Variants in SNTB2 observed in about 807,000 individuals in gnomAD.
SNTB2 encodes the protein beta-2-syntrophin.
Under a neutral mutation model 46.2 loss-of-function variants are expected in SNTB2, and 34 were observed. The ratio of observed to expected loss-of-function variants is 0.74; its 90% CI spans 0.56 to 0.98. The LOEUF (loss-of-function observed/expected upper bound fraction) is 0.98. SNTB2 is among the 50% of genes least tolerant of loss of function. SNTB2 has a pLI of 0.00. For missense variants in SNTB2, 603 were observed against 731.4 expected (o/e 0.82, Z 2.02); for synonymous variants, 290 against 312.6 (o/e 0.93, Z 0.76).
chr16:69,261,526 TAATA>T (rs1964834733), intron 3 of SNTB2, among the ~76,000 whole-genome samples: 1 of 152,124 alleles, frequency 6.6e-6, no homozygotes, highest in Non-Finnish European at 1.5e-5. Flanking sequence ...AATAAAATTA[TAATA>T]AATGAGAATG....
Position 69,253,830 on chromosome 16 carries a change from T to A in SNTB2, c.795-6220T>A, listed in dbSNP as rs564834116. Among the ~76,000 whole-genome samples the A allele has an allele frequency of 1.4e-4, 22 of 152,268 alleles. No homozygotes were observed. In the South Asian group the frequency reaches 3.3e-3, roughly 23 times the overall value. ...TTATTAATAACTAGGATCTGAGACA[T>A]CAGGATTTTCAGAACTCAGACTGTG... On this transcript the variant is annotated intron_variant, in intron 2 of 6. Coordinates refer to ENST00000336278, the MANE Select transcript of SNTB2 (RefSeq NM_006750.4).
rs71148981 is a variant in SNTB2 at position 69,278,889 on chromosome 16, AGTGTGTGTGTGTGT to A, written c.1149-5128_1149-5115del. Reference sequence around the variant, plus strand: ...TTTATTGATGGACAGAGGTGGGAAGAGTGTGTGTGTGTGTGTGTGTGTGTGTGTGTGTGTGTGTG... The same window carrying A: ...TTTATTGATGGACAGAGGTGGGAAGAGTGTGTGTGTGTGTGTGTGTGTGTG... On this transcript the variant is annotated intron_variant, in intron 4 of 6. Coordinates refer to ENST00000336278, the MANE Select transcript of SNTB2 (RefSeq NM_006750.4). Among the ~76,000 whole-genome samples, 71 of 141,004 alleles carry A rather than the reference AGTGTGTGTGTGTGT, an allele frequency of 5.0e-4. No homozygotes were observed. In the South Asian group the frequency reaches 5.9e-3, roughly 12 times the overall value. 92.5% of individuals were successfully genotyped at this position (141,004 alleles called of 152,430 possible).
intron 4 of SNTB2, among the ~76,000 whole-genome samples, chr16:69,279,515 C>CTTTTTTGT (rs1965016811): frequency 1.4e-5 from 1 of 71,734 alleles, no homozygotes; most frequent in African/African-American, 6.8e-5. Context: ...GTCCTTTGCC[C>CTTTTTTGT]TTTTTTTTTT....
At chr16:69,249,836 C>A (rs931615561) in intron 2 of SNTB2, among the ~76,000 whole-genome samples, 1 of 152,134 alleles carries the variant, frequency 6.6e-6, no homozygotes, top group African/African-American at 2.4e-5. Flanking sequence ...CAGTGGCTAA[C>A]ACCTGTAATC....
chr16:69,260,319 C>A, intron 3 of SNTB2, 59 bp downstream of exon 3: 1 of 1,480,392 alleles, frequency 6.8e-7, no homozygotes. Context: ...AGGATGGTTC[C>A]TCATTTAATA....
chr16:69,210,214 T>TA (rs1389779624), intron 1 of SNTB2, among the ~76,000 whole-genome samples: 6 of 151,364 alleles, frequency 4.0e-5, no homozygotes, highest in Non-Finnish European at 8.8e-5. Context: ...TAGAGAAATG[T>TA]AAAAAAATGT....
chr16:69,187,756 G>A lies in SNTB2; in HGVS notation c.580+10G>A. On this transcript the variant is annotated intron_variant, in intron 1 of 6. Transcript: ENST00000336278. Reference sequence around the variant, plus strand: ...GAGGTGCTGCTGGAGGGTGAGCGGGGCCGGGCGGGAGGGTGGGCAGGCCGC... The same window carrying A: ...GAGGTGCTGCTGGAGGGTGAGCGGGACCGGGCGGGAGGGTGGGCAGGCCGC... 7.2e-7 allele frequency: 1 copy of A among 1,390,762 alleles called. No individual in the cohort carries two copies. The highest frequency in any genetic ancestry group is 1.5e-5 in the African/African-American group (1 of 64,968). 86.2% of individuals were successfully genotyped at this position (1,390,762 alleles called of 1,614,324 possible).
intron 1 of SNTB2, among the ~76,000 whole-genome samples, chr16:69,198,985 C>T (rs553092123): frequency 5.3e-4 from 81 of 151,640 alleles, no homozygotes; most frequent in African/African-American, 1.9e-3. Context: ...CAACCTCTGC[C>T]TCCCAGGCTC....
At chr16:69,295,550 C>T (rs983719963) in intron 5 of SNTB2, among the ~76,000 whole-genome samples, 5 of 151,786 alleles carry the variant, frequency 3.3e-5, no homozygotes, top group African/African-American at 1.2e-4. Flanking sequence ...GCCCAGCCAA[C>T]ATACTGAATT....
At chr16:69,192,688 T>A in intron 1 of SNTB2, among the ~76,000 whole-genome samples, 1 of 152,242 alleles carries the variant, frequency 6.6e-6, no homozygotes, top group African/African-American at 2.4e-5. Flanking sequence ...TTGATTTGGT[T>A]ACTTTATTTA....
At chr16:69,224,786 G>C (rs1043056056) in intron 1 of SNTB2, among the ~76,000 whole-genome samples, 1 of 151,998 alleles carries the variant, frequency 6.6e-6, no homozygotes, top group Non-Finnish European at 1.5e-5. Context: ...TATTCTGTGG[G>C]TTATAATCCT....
chr16:69,242,916 G>T (rs1964632652), intron 1 of SNTB2, among the ~76,000 whole-genome samples: 1 of 151,920 alleles, frequency 6.6e-6, no homozygotes, highest in South Asian at 2.1e-4. Flanking sequence ...AGTTACTGGG[G>T]AGGCTAAGGC....
chr16:69,248,217 CATT>C (rs1157753222), intron 2 of SNTB2, among the ~76,000 whole-genome samples: 9 of 152,162 alleles, frequency 5.9e-5, no homozygotes, highest in African/African-American at 1.9e-4. Flanking sequence ...AAGTTCAAGA[CATT>C]GTAGAAATTA....
At chr16:69,272,173 G>A (rs1468340931) in intron 4 of SNTB2, among the ~76,000 whole-genome samples, 1 of 152,098 alleles carries the variant, frequency 6.6e-6, no homozygotes, top group East Asian at 1.9e-4. Context: ...CATCAAGAAA[G>A]TGAAAAAATA....
chr16:69,249,286 A>T (rs552824712), intron 2 of SNTB2, among the ~76,000 whole-genome samples: 29 of 152,260 alleles, frequency 1.9e-4, no homozygotes, highest in African/African-American at 5.5e-4. Flanking sequence ...TTGGTCTCCC[A>T]AAGTGCTGGG....
chr16:69,237,953 C>T (rs1964574797), intron 1 of SNTB2, among the ~76,000 whole-genome samples: 1 of 152,126 alleles, frequency 6.6e-6, no homozygotes, highest in Non-Finnish European at 1.5e-5. Flanking sequence ...CTGCCTACCT[C>T]CTTCTTTTCT....
At chr16:69,206,672 C>T (rs888471990) in intron 1 of SNTB2, among the ~76,000 whole-genome samples, 1 of 141,542 alleles carries the variant, frequency 7.1e-6, no homozygotes, top group South Asian at 2.3e-4. Context: ...GCCTGGGCAA[C>T]AAGAGCAAAA....
Position 69,306,322 on chromosome 16 carries a change from T to TA in SNTB2, c.*5398_*5399insA, listed in dbSNP as rs1231625157. On this transcript the variant is annotated 3_prime_UTR_variant, in exon 7 of 7. Transcript: ENST00000336278. ...GTTATGTAGTAACTCAGAAGAATCT[T>TA]TTAATAAGTTTCTTCTTTTGTTTCA... is the stretch of plus-strand genomic sequence containing the variant. The TA allele has an allele frequency of 6.6e-6, 1 of 152,236 alleles. No homozygotes were observed. Among genetic ancestry groups the TA allele is most frequent in the Non-Finnish European group, 1.5e-5 (1 of 68,044 alleles). The allele number at this position is 152,236 out of a possible 1,614,324, so 9.4% of individuals were successfully genotyped here. A position where few individuals can be genotyped will look rare whatever the true frequency, so the allele number is the denominator to read the frequency against.
intron 1 of SNTB2, among the ~76,000 whole-genome samples, chr16:69,200,364 G>C (rs1481057334): frequency 6.6e-6 from 1 of 152,150 alleles, no homozygotes; most frequent in Non-Finnish European, 1.5e-5. Flanking sequence ...TTATTTTTCT[G>C]TCAGGCATTC....
Sources: gnomAD v4.1 joint callset for allele counts (sites outside exome capture counted in the v4.1 genomes callset) on GRCh38, gnomAD v4.1.1 for gene constraint, MANE v1.5 for transcripts, NCBI Gene and HGNC (gene_info 2026-07-23, HGNC 2026-07-21) for gene names.